UBE2K: variants seen among roughly 807,000 people sequenced by gnomAD.
UBE2K encodes ubiquitin-conjugating enzyme E2 K.
A neutral mutation model predicts 30.0 loss-of-function variants in UBE2K; 6 were observed. The observed-to-expected ratio is 0.20, with a 90% CI of 0.11 to 0.39. The LOEUF is 0.39. UBE2K is among the 10% of genes least tolerant of loss of function. The probability of loss-of-function intolerance (pLI) is 1.00; values close to 1 mark genes in which losing one functional copy is unlikely to be tolerated. For synonymous variants in UBE2K, 86 were observed against 83.7 expected (o/e 1.03, Z -0.15); for missense variants, 61 against 241.6 (o/e 0.25, Z 4.96).
At chr4:39,756,194 A>G (rs1314209294) in intron 4 of UBE2K, among the ~76,000 whole-genome samples, 4 of 152,204 alleles carry the variant, frequency 2.6e-5, no homozygotes, top group Admixed American at 6.5e-5. Context: ...CTTCATTTGG[A>G]TAGCGGTATT....
At chr4:39,773,887 C>T (rs969699368) in intron 4 of UBE2K, among the ~76,000 whole-genome samples, 1 of 152,054 alleles carries the variant, frequency 6.6e-6, no homozygotes, top group Non-Finnish European at 1.5e-5. Context: ...CGCCACTGCA[C>T]TCCAGCCTGG....
chr4:39,771,451 G>A, intron 4 of UBE2K: 3 of 1,580,274 alleles, frequency 1.9e-6, no homozygotes, highest in Non-Finnish European at 2.6e-6. Context: ...GCGGGGGTGG[G>A]CAACCCTGGC....
chr4:39,729,159 C>T (rs1273858412), intron 1 of UBE2K, among the ~76,000 whole-genome samples: 2 of 151,742 alleles, frequency 1.3e-5, no homozygotes, highest in Admixed American at 6.6e-5. Flanking sequence ...TTAGTAGAGG[C>T]GGGGTTTCAC....
intron 1 of UBE2K, among the ~76,000 whole-genome samples, chr4:39,725,212 G>A (rs758841401): frequency 4.0e-5 from 6 of 151,726 alleles, no homozygotes; most frequent in East Asian, 3.9e-4. Context: ...ATGGCGAACC[G>A]TCTCTACAGA....
chr4:39,772,329 G>A (rs1712942235), intron 4 of UBE2K, among the ~76,000 whole-genome samples: 1 of 151,534 alleles, frequency 6.6e-6, no homozygotes, highest in Non-Finnish European at 1.5e-5. Context: ...GGGGGCTGAG[G>A]TGGGAGGACT....
intron 1 of UBE2K, among the ~76,000 whole-genome samples, chr4:39,704,852 TC>T (rs1383876878): frequency 6.7e-6 from 1 of 150,276 alleles, no homozygotes; most frequent in Non-Finnish European, 1.5e-5. Flanking sequence ...TGTCACCCCT[TC>T]TTAAAGACTA....
intron 1 of UBE2K, among the ~76,000 whole-genome samples, chr4:39,702,231 CTT>C (rs564712672): frequency 1.3e-4 from 9 of 67,352 alleles, no homozygotes; most frequent in Non-Finnish European, 1.9e-4. Context: ...CTTTTCTTTT[CTT>C]TTTTTTTTTT....
At chr4:39,761,672 A>G (rs2109387264) in intron 4 of UBE2K, among the ~76,000 whole-genome samples, 1 of 152,272 alleles carries the variant, frequency 6.6e-6, no homozygotes, top group Non-Finnish European at 1.5e-5. Flanking sequence ...ATTTAAGTTG[A>G]TTGTATATAC....
At chr4:39,738,970 C>T (rs569418980) in intron 2 of UBE2K, among the ~76,000 whole-genome samples, 5 of 152,162 alleles carry the variant, frequency 3.3e-5, no homozygotes, top group South Asian at 2.1e-4. Flanking sequence ...CCACCAATCC[C>T]GGCCACCAGC....
At chr4:39,763,740 T>A (rs28752210) in intron 4 of UBE2K, among the ~76,000 whole-genome samples, 2,854 of 152,264 alleles carry the variant, frequency 0.019, 99 homozygotes, top group African/African-American at 0.065. Flanking sequence ...TAGGTTTTGT[T>A]TGGATATTTA....
intron 1 of UBE2K, among the ~76,000 whole-genome samples, chr4:39,712,461 G>A (rs913590295): frequency 7.0e-6 from 1 of 142,528 alleles, no homozygotes; most frequent in Admixed American, 7.4e-5. Flanking sequence ...ATGGACTCTC[G>A]CTTTATCGCC....
chr4:39,757,574 C>G (rs891933361), intron 4 of UBE2K, among the ~76,000 whole-genome samples: 3 of 151,838 alleles, frequency 2.0e-5, no homozygotes, highest in African/African-American at 7.3e-5. Flanking sequence ...TTCTATATTC[C>G]ATATAGATCA....
chr4:39,729,912 C>G (rs538803696), intron 1 of UBE2K, among the ~76,000 whole-genome samples: 2 of 152,368 alleles, frequency 1.3e-5, no homozygotes, highest in African/African-American at 4.8e-5. Context: ...CTCAAGGAAG[C>G]TTCCTCTTAC....
chr4:39,715,729 T>G (rs1246413638), intron 1 of UBE2K, among the ~76,000 whole-genome samples: 1 of 152,204 alleles, frequency 6.6e-6, no homozygotes, highest in Non-Finnish European at 1.5e-5. Context: ...CATGGTGTGT[T>G]TTTTGCATTT....
At position 39,747,870 on chromosome 4, in the gene UBE2K, C is replaced by T. The variant is rs1268902127; in HGVS notation, c.216+2060C>T. ...AGGCTGGAGTACAGTGGCGCGGTCT[C>T]GGCTCACTGCAACCTCTGTCTCCTG... On this transcript the variant is annotated intron_variant, in intron 3 of 6. Coordinates refer to ENST00000261427, the MANE Select transcript of UBE2K (RefSeq NM_005339.5). Among the ~76,000 whole-genome samples the T allele has an allele frequency of 4.0e-5, 6 of 151,146 alleles. No individual in the cohort carries two copies. The South Asian group carries it at 6.3e-4, about 16-fold the overall frequency.
intron 4 of UBE2K, among the ~76,000 whole-genome samples, chr4:39,765,769 A>C (rs1446575603): frequency 2.6e-5 from 4 of 151,954 alleles, no homozygotes. Flanking sequence ...AGATTGTGCC[A>C]CTGCACTCCA....
At chr4:39,700,384 GTTTGT>G (rs748151074) in intron 1 of UBE2K, among the ~76,000 whole-genome samples, 17 of 152,172 alleles carry the variant, frequency 1.1e-4, no homozygotes, top group South Asian at 4.2e-4. Context: ...TTTGTTGTTT[GTTTGT>G]TTTGTTTTGT....
intron 4 of UBE2K, chr4:39,770,880 A>G: frequency 2.0e-6 from 3 of 1,537,970 alleles, no homozygotes; most frequent in Non-Finnish European, 1.7e-6. Flanking sequence ...GTCCTCATCC[A>G]GTGGGAACTC....
chr4:39,768,290 A>AAAG (rs2109398465), intron 4 of UBE2K, among the ~76,000 whole-genome samples: 1 of 150,558 alleles, frequency 6.6e-6, no homozygotes, highest in South Asian at 2.1e-4. Context: ...AAAAAAAAAA[A>AAAG]AAAAATCAGC....
Sources: gnomAD v4.1 joint callset for allele counts (sites outside exome capture counted in the v4.1 genomes callset) on GRCh38, gnomAD v4.1.1 for gene constraint, MANE v1.5 for transcripts, NCBI Gene and HGNC (gene_info 2026-07-23, HGNC 2026-07-21) for gene names.